Variants in WDFY4 observed in about 807,000 individuals in gnomAD.
The protein encoded by WDFY4 is WD repeat- and FYVE domain-containing protein 4.
WDFY4 carries 169 observed loss-of-function variants against 351.9 expected under a neutral mutation model. That is an observed-to-expected ratio of 0.48 (90% confidence interval 0.42 to 0.55). WDFY4 has a LOEUF of 0.55. Ranked by LOEUF, WDFY4 falls within the 20% of genes least tolerant of loss-of-function variation. The pLI, the probability that WDFY4 is intolerant of heterozygous loss-of-function variation, is 0.00. For synonymous variants in WDFY4, 1,622 were observed against 1,574.6 expected, an observed-to-expected ratio of 1.03 and a Z score of -0.71; for missense variants, 3,803 against 3,935.6, an observed-to-expected ratio of 0.97 and a Z score of 0.90.
chr10:48,751,963 C>T (rs183634325), intron 12 of WDFY4, among the ~76,000 whole-genome samples: 7 of 152,276 alleles, frequency 4.6e-5, no homozygotes, highest in East Asian at 3.9e-4. Flanking sequence ...TGGCCAAGCA[C>T]GCCTCACACC....
At chr10:48,955,234 G>A (rs559478471) in intron 51 of WDFY4, among the ~76,000 whole-genome samples, 6 of 152,314 alleles carry the variant, frequency 3.9e-5, no homozygotes, top group South Asian at 2.1e-4. Context: ...GATGGTGGAC[G>A]TCATTCCCTA....
At chr10:48,902,622 GA>G (rs947619450) in intron 47 of WDFY4, among the ~76,000 whole-genome samples, 40 of 147,892 alleles carry the variant, frequency 2.7e-4, no homozygotes, top group East Asian at 9.8e-4. Flanking sequence ...CAAGCAAATA[GA>G]AAAAAAAAAT....
chr10:48,809,779 G>T (rs913248276), intron 28 of WDFY4, among the ~76,000 whole-genome samples: 5 of 152,226 alleles, frequency 3.3e-5, no homozygotes, highest in African/African-American at 1.2e-4. Flanking sequence ...CAGAGGCAGG[G>T]CTAGAAAAGA....
chr10:48,887,040 C>A (rs2070484794), intron 43 of WDFY4, among the ~76,000 whole-genome samples: 1 of 152,226 alleles, frequency 6.6e-6, no homozygotes. Flanking sequence ...AATGCCATTT[C>A]TTTTCTAGCA....
chr10:48,897,649 C>G, intron 45 of WDFY4, 75 bp downstream of exon 45: 1 of 1,510,612 alleles, frequency 6.6e-7, no homozygotes, highest in Non-Finnish European at 8.9e-7. Flanking sequence ...CAGGAGCCAT[C>G]CAGAGACACA....
chr10:48,924,052 C>T (rs1839358522), intron 47 of WDFY4, among the ~76,000 whole-genome samples: 1 of 152,238 alleles, frequency 6.6e-6, no homozygotes, highest in African/African-American at 2.4e-5. Context: ...AGGAGCCTCT[C>T]TCCAAAGGGC....
intron 57 of WDFY4, among the ~76,000 whole-genome samples, chr10:48,974,623 A>C (rs1221040857): frequency 3.3e-5 from 5 of 150,790 alleles, no homozygotes; most frequent in African/African-American, 1.2e-4. Flanking sequence ...GTTATAAGTA[A>C]AAAAATGGTT....
At chr10:48,810,877 A>G in intron 29 of WDFY4, 142 bp downstream of exon 29, 1 of 866,426 alleles carries the variant, frequency 1.2e-6, no homozygotes, top group Admixed American at 3.5e-5. Context: ...CAAGGCCTAC[A>G]TCCAAATGAG....
intron 1 of WDFY4, among the ~76,000 whole-genome samples, chr10:48,709,008 C>T (rs78011256): frequency 3.0e-5 from 2 of 66,906 alleles, no homozygotes; most frequent in Non-Finnish European, 3.3e-5. Flanking sequence ...ACAAACAACA[C>T]CCCCCCCCCC....
intron 1 of WDFY4, among the ~76,000 whole-genome samples, 155 bp downstream of exon 1, chr10:48,685,156 G>A (rs1253052008): frequency 6.6e-6 from 1 of 152,186 alleles, no homozygotes; most frequent in Non-Finnish European, 1.5e-5. Flanking sequence ...TGTGGGAGAG[G>A]AGGTGAGCTG....
At chr10:48,693,571 C>T (rs1327531552) in intron 1 of WDFY4, among the ~76,000 whole-genome samples, 1 of 152,218 alleles carries the variant, frequency 6.6e-6, no homozygotes, top group Non-Finnish European at 1.5e-5. Context: ...ATATTCAGCT[C>T]TCAGAGGAGA....
At chr10:48,747,040 T>C (rs1255318615) in intron 12 of WDFY4, among the ~76,000 whole-genome samples, 1 of 152,244 alleles carries the variant, frequency 6.6e-6, no homozygotes, top group African/African-American at 2.4e-5. Flanking sequence ...TCTGTTAAAC[T>C]TTCCTGTAGT....
At position 48,867,172 on chromosome 10, in the gene WDFY4, AAAAT is replaced by A. The variant is rs1564430908; in HGVS notation, c.6664-89_6664-86del. ...GTGACAGAATGAGACTGTGTCTCAA[AAAAT>A]AAAATAAAATAAAATAAAATAAAAT... On this transcript the variant is annotated intron_variant, in intron 39 of 61. Coordinates refer to ENST00000325239, the MANE Select transcript of WDFY4 (RefSeq NM_001394531.1). 1.2e-4 allele frequency: 30 copies of A among 245,450 alleles called. No individual in the cohort carries two copies. In the East Asian group the frequency reaches 3.6e-3, roughly 30 times the overall value. The allele number at this position is 245,450 out of a possible 1,614,324, so 15.2% of individuals were successfully genotyped here. A position where few individuals can be genotyped will look rare whatever the true frequency, so the allele number is the denominator to read the frequency against.
At chr10:48,871,868 T>G (rs970098451) in intron 40 of WDFY4, among the ~76,000 whole-genome samples, 11 of 152,356 alleles carry the variant, frequency 7.2e-5, no homozygotes, top group African/African-American at 2.6e-4. Context: ...CAAAATGATC[T>G]TGTTTTGAAA....
At chr10:48,981,335 G>T (rs1035643882) in intron 60 of WDFY4, 32 bp from the exon 61 acceptor site, 2 of 1,546,624 alleles carry the variant, frequency 1.3e-6, no homozygotes, top group African/African-American at 2.7e-5. Context: ...CCGATCTGGC[G>T]TTCTAACTCT....
chr10:48,909,958 T>A (rs1392511607), intron 47 of WDFY4: 4 of 460,634 alleles, frequency 8.7e-6, no homozygotes, highest in South Asian at 6.6e-5. Flanking sequence ...TATTTAGTTG[T>A]CTATAATATA....
Position 48,779,879 on chromosome 10 carries a change from T to C in WDFY4, c.3398-62T>C, listed in dbSNP as rs1234402401. ...TTGACGTCCGCCTATGCCCTCCCCA[T>C]TCTCCTGGGTTCCTGCAGTGTAGCA... On this transcript the variant is annotated intron_variant, in intron 18 of 61. Transcript: ENST00000325239. The C allele has an allele frequency of 1.2e-5, 18 of 1,535,846 alleles. No individual in the cohort carries two copies. In the Admixed American group the frequency reaches 3.0e-4, roughly 25 times the overall value.
intron 36 of WDFY4, among the ~76,000 whole-genome samples, 179 bp downstream of exon 36, chr10:48,827,088 T>G (rs1398123260): frequency 6.6e-6 from 1 of 152,228 alleles, no homozygotes; most frequent in Non-Finnish European, 1.5e-5. Context: ...AACTTGTCCA[T>G]GTGACAGCAG....
At position 48,943,336 on chromosome 10, in the gene WDFY4, G is replaced by T; in HGVS notation, c.7636G>T (p.Asp2546Tyr). The stretch of plus-strand genomic sequence containing the variant: ...TTTCTGTCTCTTCTGGTAGAAAAGG[G>T]ACATCAGCAATTTTGAGTATCTCAT... The part of the protein sequence containing the change: ...RIMLQKWQKR[D>Y]ISNFEYLMYL... Residue 2546 changes from aspartate to tyrosine, a missense_variant, in exon 49 of 62, where the codon GAC becomes TAC. By Grantham distance (160) the Asp-to-Tyr change is radical. Transcript: ENST00000325239. 3.2e-6 allele frequency: 5 copies of T among 1,551,622 alleles called. No homozygotes were observed. Among genetic ancestry groups the T allele is most frequent in the Non-Finnish European group, 4.4e-6 (5 of 1,146,958 alleles).
Sources: allele counts gnomAD v4.1 joint callset (sites outside exome capture counted in the v4.1 genomes callset), GRCh38; gene constraint gnomAD v4.1.1; transcripts MANE v1.5; gene names NCBI Gene and HGNC (gene_info 2026-07-23, HGNC 2026-07-21).